The following TAFA2 variants were observed in gnomAD, a reference collection of about 807,000 sequenced individuals.
TAFA2 encodes chemokine-like protein TAFA-2.
TAFA2 carries 7 observed loss-of-function variants against 18.8 expected under a neutral mutation model. That is an observed-to-expected ratio of 0.37 (90% confidence interval 0.21 to 0.70). The LOEUF (loss-of-function observed/expected upper bound fraction) is 0.70. TAFA2 is among the 30% of genes least tolerant of loss of function. The pLI, the probability that TAFA2 is intolerant of heterozygous loss-of-function variation, is 0.53. For missense variants in TAFA2, 122 were observed against 158.1 expected, an observed-to-expected ratio of 0.77 and a Z score of 1.23; for synonymous variants, 60 against 54.2, an observed-to-expected ratio of 1.11 and a Z score of -0.47.
chr12:61,973,406 T>G (rs891903160), intron 1 of TAFA2, among the ~76,000 whole-genome samples: 17 of 148,390 alleles, frequency 1.1e-4, no homozygotes, highest in South Asian at 2.3e-4. Flanking sequence ...TTTTTTTTTT[T>G]TTTTTTTTAG....
chr12:62,065,281 A>C (rs1882455233), intron 1 of TAFA2, among the ~76,000 whole-genome samples: 2 of 152,082 alleles, frequency 1.3e-5, no homozygotes, highest in South Asian at 4.1e-4. Flanking sequence ...AAAAAACCTG[A>C]GCACAGAACA....
chr12:61,887,349 G>A lies in TAFA2; in HGVS notation c.-1-19923C>T, dbSNP rs865809028. ...AAAATATTGCTTCCTACCTAGTAGG[G>A]TTAGCCTTATTACAAAATTAGTTAA... On this transcript the variant is annotated intron_variant, in intron 1 of 4. Transcript: ENST00000416284. Among the ~76,000 whole-genome samples, 5 of 152,214 alleles carry A rather than the reference G, an allele frequency of 3.3e-5. No individual in the cohort carries two copies. The South Asian group carries it at 8.3e-4, about 25-fold the overall frequency.
chr12:62,114,110 C>A (rs1445435509), intron 1 of TAFA2, among the ~76,000 whole-genome samples: 1 of 152,130 alleles, frequency 6.6e-6, no homozygotes, highest in African/African-American at 2.4e-5. Context: ...AAACCCAGGG[C>A]CCTGGTAGTG....
chr12:61,963,579 G>A (rs1878964574), intron 1 of TAFA2, among the ~76,000 whole-genome samples: 1 of 151,838 alleles, frequency 6.6e-6, no homozygotes, highest in African/African-American at 2.4e-5. Flanking sequence ...TAAGTTCTTT[G>A]TAGATTCTGG....
chr12:61,891,280 G>A (rs1875622041), intron 1 of TAFA2, among the ~76,000 whole-genome samples: 1 of 152,180 alleles, frequency 6.6e-6, no homozygotes, highest in South Asian at 2.1e-4. Flanking sequence ...AGAGGCAGCA[G>A]AAGCAGGAGA....
chr12:62,167,475 G>T, intron 1 of TAFA2, among the ~76,000 whole-genome samples: 1 of 152,072 alleles, frequency 6.6e-6, no homozygotes, highest in Middle Eastern at 3.2e-3. Context: ...TACATTGCAG[G>T]ATAAAACAAA....
chr12:61,761,740 T>C (rs1869555612), intron 2 of TAFA2, among the ~76,000 whole-genome samples: 1 of 152,058 alleles, frequency 6.6e-6, no homozygotes, highest in Admixed American at 6.6e-5. Context: ...AAATTAGAGA[T>C]AAGAATCCAG....
intron 1 of TAFA2, among the ~76,000 whole-genome samples, chr12:62,078,408 T>A: frequency 2.2e-5 from 2 of 89,088 alleles, no homozygotes; most frequent in South Asian, 3.7e-4. Context: ...AAACTTAAAG[T>A]ATAATTGGAA....
Position 61,965,938 on chromosome 12 carries a change from G to GA in TAFA2, c.-1-98513dup, listed in dbSNP as rs1172675265. ...ATCTATAATGGACCTAGAAATTTCT[G>GA]AAAAAAAAATTTGAACCCTGCCATC... On this transcript the variant is annotated intron_variant, in intron 1 of 4. Transcript: ENST00000416284. Among the ~76,000 whole-genome samples, 5 of 151,092 alleles carry GA rather than the reference G, an allele frequency of 3.3e-5. No homozygotes were observed. In the South Asian group the frequency reaches 1.0e-3, roughly 32 times the overall value.
intron 1 of TAFA2, among the ~76,000 whole-genome samples, chr12:61,929,418 T>C (rs1179541424): frequency 6.6e-6 from 1 of 152,094 alleles, no homozygotes; most frequent in Non-Finnish European, 1.5e-5. Context: ...TCATCATCAC[T>C]GGCCATCAGA....
chr12:61,836,732 G>GT (rs1168905129), intron 2 of TAFA2, among the ~76,000 whole-genome samples: 1 of 112,788 alleles, frequency 8.9e-6, no homozygotes, highest in African/African-American at 3.0e-5. Flanking sequence ...TTGCCAATTT[G>GT]ATATATATAT....
chr12:61,826,917 GAA>G (rs961371385), intron 2 of TAFA2, among the ~76,000 whole-genome samples: 1 of 151,916 alleles, frequency 6.6e-6, no homozygotes, highest in Non-Finnish European at 1.5e-5. Context: ...ACAAATATCA[GAA>G]AAAAATTACA....
chr12:61,767,624 G>A (rs1869847145), intron 2 of TAFA2, among the ~76,000 whole-genome samples: 1 of 151,946 alleles, frequency 6.6e-6, no homozygotes, highest in Non-Finnish European at 1.5e-5. Context: ...CGGAAGGTTT[G>A]CTTTGTTCCC....
intron 1 of TAFA2, among the ~76,000 whole-genome samples, chr12:62,143,597 G>C (rs1000881754): frequency 6.6e-6 from 1 of 152,032 alleles, no homozygotes; most frequent in Non-Finnish European, 1.5e-5. Flanking sequence ...AAGGTAGCTG[G>C]CTAGACCAAT....
chr12:61,821,733 T>C (rs1039627666), intron 2 of TAFA2, among the ~76,000 whole-genome samples: 8 of 152,154 alleles, frequency 5.3e-5, no homozygotes, highest in Admixed American at 5.2e-4. Context: ...TTATGGAATT[T>C]AAGTTTACAG....
At chr12:62,165,931 TCTCTCTCTCACA>T (rs2062435639) in intron 1 of TAFA2, among the ~76,000 whole-genome samples, 1 of 121,282 alleles carries the variant, frequency 8.2e-6, no homozygotes, top group African/African-American at 3.3e-5. Context: ...TCTCTCTCTC[TCTCTCTCTCACA>T]CACACACACA....
At chr12:61,925,810 C>T (rs908280833) in intron 1 of TAFA2, among the ~76,000 whole-genome samples, 3 of 151,988 alleles carry the variant, frequency 2.0e-5, no homozygotes, top group Non-Finnish European at 4.4e-5. Context: ...GAAGAGCAAA[C>T]GAATTCAAAA....
chr12:62,153,504 A>C (rs1392412238), intron 1 of TAFA2, among the ~76,000 whole-genome samples: 1 of 152,070 alleles, frequency 6.6e-6, no homozygotes, highest in Non-Finnish European at 1.5e-5. Context: ...CTCTACAAAA[A>C]AAATTAACAT....
rs559162146 is a variant in TAFA2 at position 61,757,447 on chromosome 12, T to A, written c.107-2423A>T. Among the ~76,000 whole-genome samples, 5 of 152,148 alleles carry A rather than the reference T, an allele frequency of 3.3e-5. No individual in the cohort carries two copies. The East Asian group carries it at 9.7e-4, about 30-fold the overall frequency. On this transcript the variant is annotated intron_variant, in intron 2 of 4. Coordinates refer to ENST00000416284, the MANE Select transcript of TAFA2 (RefSeq NM_178539.5). ...TATCTGTACTTCTGTTGGGGCCATG[T>A]TAAGCTTAAAAGATACCAATGCAGA...
Sources: gnomAD v4.1 joint callset for allele counts (sites outside exome capture counted in the v4.1 genomes callset) on GRCh38, gnomAD v4.1.1 for gene constraint, MANE v1.5 for transcripts, NCBI Gene and HGNC (gene_info 2026-07-23, HGNC 2026-07-21) for gene names.